PPME1: variants seen among roughly 807,000 people sequenced by gnomAD.
The protein encoded by PPME1 is testicular secretory protein Li 39.
In PPME1, 17 loss-of-function variants were observed where a neutral mutation model predicts 56.9. The ratio of observed to expected loss-of-function variants is 0.30; its 90% CI spans 0.20 to 0.45. The LOEUF is 0.45. PPME1 is among the 20% of genes least tolerant of loss of function. The pLI is 1.00. For missense variants in PPME1, 357 were observed against 483.2 expected, an observed-to-expected ratio of 0.74 and a Z score of 2.45; for synonymous variants, 122 against 156.2, an observed-to-expected ratio of 0.78 and a Z score of 1.63.
At chr11:74,233,581 G>C (rs1401212798) in intron 7 of PPME1, among the ~76,000 whole-genome samples, 1 of 152,116 alleles carries the variant, frequency 6.6e-6, no homozygotes, top group Non-Finnish European at 1.5e-5. Context: ...GGGAGGCTGA[G>C]ATAGGAATAT....
intron 3 of PPME1, among the ~76,000 whole-genome samples, chr11:74,219,827 G>A (rs996313905): frequency 3.9e-5 from 6 of 152,086 alleles, no homozygotes; most frequent in African/African-American, 1.4e-4. Context: ...GAATGAATAA[G>A]ATCTTGTATT....
At chr11:74,225,152 C>A in intron 4 of PPME1, 53 bp from the exon 5 acceptor site, 2 of 1,248,006 alleles carry the variant, frequency 1.6e-6, no homozygotes. Flanking sequence ...AATACTTCTG[C>A]TTTTATAATT....
intron 1 of PPME1, among the ~76,000 whole-genome samples, chr11:74,172,906 A>G (rs1293682060): frequency 6.6e-6 from 1 of 152,224 alleles, no homozygotes; most frequent in African/African-American, 2.4e-5. Context: ...AAAGGAGGCG[A>G]GAGTAGGAGA....
At chr11:74,177,331 G>A (rs1258609458) in intron 1 of PPME1, among the ~76,000 whole-genome samples, 2 of 151,860 alleles carry the variant, frequency 1.3e-5, no homozygotes, top group Admixed American at 1.3e-4. Flanking sequence ...GTGTGGTGGT[G>A]TGTGCCTGTA....
At chr11:74,193,494 G>A (rs981784608) in intron 1 of PPME1, among the ~76,000 whole-genome samples, 23 of 152,190 alleles carry the variant, frequency 1.5e-4, no homozygotes, top group African/African-American at 5.3e-4. Flanking sequence ...ACAATAAACT[G>A]AAATTTGAAA....
At position 74,235,726 on chromosome 11, in the gene PPME1, C is replaced by T. The variant is rs1025715406; in HGVS notation, c.645-175C>T. 8 of 1,012,532 alleles carry T rather than the reference C, an allele frequency of 7.9e-6. No homozygotes were observed. In the African/African-American group the frequency reaches 1.3e-4, roughly 17 times the overall value. The allele number at this position is 1,012,532 out of a possible 1,614,324, so 62.7% of individuals were successfully genotyped here. On this transcript the variant is annotated intron_variant, in intron 7 of 13. Coordinates refer to ENST00000328257, the MANE Select transcript of PPME1 (RefSeq NM_016147.3). Reference sequence around the variant, plus strand: ...CTATGATGTTTTTACTTAATTTTTACTTATAAAACCATGTAGCCAGGTGAG... The same window carrying T: ...CTATGATGTTTTTACTTAATTTTTATTTATAAAACCATGTAGCCAGGTGAG...
At chr11:74,212,645 C>T (rs1301956518) in intron 3 of PPME1, among the ~76,000 whole-genome samples, 1 of 152,048 alleles carries the variant, frequency 6.6e-6, no homozygotes, top group Admixed American at 6.5e-5. Flanking sequence ...CTTTATCTTG[C>T]AACTTGGATA....
At chr11:74,174,099 A>G (rs888614969) in intron 1 of PPME1, among the ~76,000 whole-genome samples, 1 of 151,956 alleles carries the variant, frequency 6.6e-6, no homozygotes, top group African/African-American at 2.4e-5. Context: ...AGAATCATAA[A>G]GCTGAGAGAA....
At chr11:74,220,378 A>G (rs1029859415) in intron 3 of PPME1, among the ~76,000 whole-genome samples, 2 of 152,210 alleles carry the variant, frequency 1.3e-5, no homozygotes, top group African/African-American at 4.8e-5. Flanking sequence ...GGTATACATT[A>G]GAATCACCTG....
At chr11:74,246,590 T>C (rs1039609289) in intron 10 of PPME1, among the ~76,000 whole-genome samples, 6 of 152,208 alleles carry the variant, frequency 3.9e-5, no homozygotes, top group African/African-American at 1.4e-4. Flanking sequence ...ACTCAGTCCA[T>C]AGCAGTGTTG....
At chr11:74,233,262 G>A (rs1042159075) in intron 7 of PPME1, among the ~76,000 whole-genome samples, 1 of 152,032 alleles carries the variant, frequency 6.6e-6, no homozygotes, top group Non-Finnish European at 1.5e-5. Flanking sequence ...GATAGAATAA[G>A]GGTTCTGTTT....
At chr11:74,242,334 A>G (rs185012228) in intron 9 of PPME1, among the ~76,000 whole-genome samples, 5 of 152,290 alleles carry the variant, frequency 3.3e-5, no homozygotes, top group Non-Finnish European at 7.4e-5. Context: ...CTGTTGATCT[A>G]TATGTCTGCC....
At chr11:74,237,275 C>CTTTTTTTT (rs763251745) in intron 8 of PPME1, among the ~76,000 whole-genome samples, 2,633 of 127,822 alleles carry the variant, frequency 0.021, 239 homozygotes, top group African/African-American at 0.079. Flanking sequence ...GTCTGGTTGT[C>CTTTTTTTT]TTTTTTTTTT....
In PPME1 at chr11:74,237,275, C is replaced by CTTTTTTTTTTTTTTT. The variant is rs763251745; in HGVS notation, c.710+1313_710+1327dup. The stretch of plus-strand genomic sequence containing the variant: ...CAGGAAGTACATAATGTCTGGTTGT[C>CTTTTTTTTTTTTTTT]TTTTTTTTTTTTTTTTTTGAGACAG... On this transcript the variant is annotated intron_variant, in intron 8 of 13. Coordinates refer to ENST00000328257, the MANE Select transcript of PPME1 (RefSeq NM_016147.3). 4.1e-3 allele frequency among the ~76,000 whole-genome samples: 526 copies of CTTTTTTTTTTTTTTT among 127,980 alleles called. 18 individuals carry two copies. The highest frequency in any genetic ancestry group is 5.5e-3 in the Non-Finnish European group (338 of 61,892). The allele number at this position is 127,980 out of a possible 152,430, so 84.0% of individuals were successfully genotyped here. A position where few individuals can be genotyped will look rare whatever the true frequency, so the allele number is the denominator to read the frequency against.
chr11:74,208,264 A>G (rs1858380613), intron 3 of PPME1, among the ~76,000 whole-genome samples: 1 of 151,202 alleles, frequency 6.6e-6, no homozygotes, highest in Non-Finnish European at 1.5e-5. Context: ...GTGAGTCGAG[A>G]TCGTGCCACT....
rs564622100 is a variant in PPME1 at position 74,246,330 on chromosome 11, G to A, written c.964+125G>A. ...TGGAGGCTGGAAGTCTGAGATCAGG[G>A]TGCCAGCATGGTCAGGTTGTGGTGA... On this transcript the variant is annotated intron_variant, in intron 10 of 13. Coordinates refer to ENST00000328257, the MANE Select transcript of PPME1 (RefSeq NM_016147.3). 41 of 1,051,570 alleles carry A rather than the reference G, an allele frequency of 3.9e-5. No individual in the cohort carries two copies. The South Asian group carries it at 7.5e-4, about 19-fold the overall frequency. The allele number at this position is 1,051,570 out of a possible 1,614,324, so 65.1% of individuals were successfully genotyped here. A position where few individuals can be genotyped will look rare whatever the true frequency, so the allele number is the denominator to read the frequency against.
intron 9 of PPME1, among the ~76,000 whole-genome samples, chr11:74,244,529 C>T (rs766736212): frequency 6.6e-6 from 1 of 152,188 alleles, no homozygotes; most frequent in South Asian, 2.1e-4. Context: ...TGTTAAGCAT[C>T]GTTTCATATG....
intron 9 of PPME1, chr11:74,243,375 G>T (rs191666608): frequency 8.6e-5 from 13 of 151,628 alleles, no homozygotes; most frequent in Admixed American, 3.9e-4. Context: ...TTACTTTTTG[G>T]AGGTTTTCTT....
intron 9 of PPME1, among the ~76,000 whole-genome samples, chr11:74,242,846 C>G (rs144530812): frequency 1.4e-5 from 2 of 146,056 alleles, no homozygotes; most frequent in African/African-American, 5.2e-5. Flanking sequence ...GCCACTGCAC[C>G]CCAGCCTGGG....
Sources: gnomAD v4.1 joint callset for allele counts (sites outside exome capture counted in the v4.1 genomes callset) on GRCh38, gnomAD v4.1.1 for gene constraint, MANE v1.5 for transcripts, NCBI Gene and HGNC (gene_info 2026-07-23, HGNC 2026-07-21) for gene names.